Variants in ZNF532 observed in about 807,000 individuals in gnomAD.
ZNF532 encodes zinc finger protein 532.
In ZNF532, 22 loss-of-function variants were observed where a neutral mutation model predicts 89.3. The ratio of observed to expected loss-of-function variants is 0.25; its 90% confidence interval spans 0.18 to 0.35. The LOEUF (loss-of-function observed/expected upper bound fraction) is 0.35, where lower values mean the gene tolerates loss of function less well. ZNF532 is among the 10% of genes least tolerant of loss of function. The pLI is 1.00. For missense variants in ZNF532, 1,132 were observed against 1,643.4 expected (o/e 0.69, Z 5.38); for synonymous variants, 606 against 649.6 (o/e 0.93, Z 1.02).
At chr18:58,880,100 G>T (rs1360681445) in intron 2 of ZNF532, among the ~76,000 whole-genome samples, 1 of 152,176 alleles carries the variant, frequency 6.6e-6, no homozygotes, top group African/African-American at 2.4e-5. Context: ...GGACAAAAAA[G>T]AAAGGTGATC....
At chr18:58,918,236 A>C in intron 2 of ZNF532, 35 bp from the exon 3 acceptor site, 1 of 1,561,038 alleles carries the variant, frequency 6.4e-7, no homozygotes, top group Non-Finnish European at 8.7e-7. Flanking sequence ...GGAAATACCA[A>C]TTACTGATGG....
At chr18:58,952,453 A>G (rs955134645) in intron 6 of ZNF532, among the ~76,000 whole-genome samples, 5 of 152,068 alleles carry the variant, frequency 3.3e-5, no homozygotes, top group African/African-American at 1.2e-4. Flanking sequence ...TGCCCAGGCT[A>G]GAGTGCAGTG....
chr18:58,883,078 A>G (rs2058046607), intron 2 of ZNF532, among the ~76,000 whole-genome samples: 1 of 152,208 alleles, frequency 6.6e-6, no homozygotes, highest in African/African-American at 2.4e-5. Flanking sequence ...GATGAAATTA[A>G]TGAAAACTGA....
Position 58,919,277 on chromosome 18 carries a change from G to T in ZNF532, c.990G>T (p.Lys330Asn). 6.2e-7 allele frequency: 1 copy of T among 1,614,110 alleles called. No individual in the cohort carries two copies. ...ACGGGACCAAAAAACCATCCCTGAAGCAACCGGATAGTCCCAGAAGCATCT... is the reference window on the plus strand; with the variant it reads ...ACGGGACCAAAAAACCATCCCTGAATCAACCGGATAGTCCCAGAAGCATCT... ...LIDGTKKPSL[K>N]QPDSPRSISS... The change falls in exon 3 of 10, where the codon AAG becomes AAT. Residue 330 changes from lysine (K) to asparagine (N), a missense_variant. This residue lies in a region of ZNF532 where 124 missense variants were observed against 191.6 expected (regional missense o/e 0.65). Transcript: ENST00000591808. The surrounding 1 kb of genome is among the most constrained non-coding windows in gnomAD (Gnocchi z 6.1).
chr18:58,964,594 C>CT lies in ZNF532; in HGVS notation c.3150+10806dup, dbSNP rs963572008. ...GTGTGTGTGTGTATACACAGTTTTT[C>CT]TTTTTTTTTTTAGACAGAGTCTCGC... On this transcript the variant is annotated intron_variant, in intron 7 of 9. Coordinates refer to ENST00000591808, the MANE Select transcript of ZNF532 (RefSeq NM_001375912.1). 2.6e-3 allele frequency among the ~76,000 whole-genome samples: 288 copies of CT among 110,096 alleles called. 1 individual carries two copies. Among genetic ancestry groups the CT allele is most frequent in the Middle Eastern group, 9.0e-3 (2 of 222 alleles). The allele number at this position is 110,096 out of a possible 152,430, so 72.2% of individuals were successfully genotyped here.
chr18:58,970,994 TG>T (rs2066425851), intron 7 of ZNF532, among the ~76,000 whole-genome samples: 2 of 152,244 alleles, frequency 1.3e-5, no homozygotes, highest in East Asian at 3.8e-4. Flanking sequence ...GAAACTACGG[TG>T]CGACACGTTT....
intron 2 of ZNF532, among the ~76,000 whole-genome samples, chr18:58,865,944 C>G (rs986677567): frequency 6.6e-6 from 1 of 152,170 alleles, no homozygotes; most frequent in Non-Finnish European, 1.5e-5. Context: ...AAGGGCTTCA[C>G]CAAATCGAGG....
chr18:58,918,447 C>G lies in ZNF532; in HGVS notation c.160C>G (p.Pro54Ala). The G allele has an allele frequency of 6.2e-7, 1 of 1,614,182 alleles. No homozygotes were observed. The highest frequency in any genetic ancestry group is 8.5e-7 in the Non-Finnish European group (1 of 1,180,030). Residue 54 changes from proline (P) to alanine (A), a missense_variant, in exon 3 of 10, where the codon CCA (proline) becomes GCA (alanine). This residue lies in a region of ZNF532 where 302 missense variants were observed against 319.8 expected (regional missense o/e 0.94). Coordinates refer to ENST00000591808, the MANE Select transcript of ZNF532 (RefSeq NM_001375912.1). ...NAHGEDDSHA[P>A]SSSDVGVSVI... ...TCACGGAGAGGATGACTCCCACGCA[C>G]CATCATCTTCTGATGTGGGTGTCAG...
intron 7 of ZNF532, among the ~76,000 whole-genome samples, chr18:58,959,911 A>G (rs756589282): frequency 4.6e-5 from 7 of 152,258 alleles, no homozygotes; most frequent in Admixed American, 2.0e-4. Flanking sequence ...GAGACGTTAT[A>G]CATTTACCAC....
At chr18:58,878,689 G>A (rs780993647) in intron 2 of ZNF532, among the ~76,000 whole-genome samples, 5 of 152,220 alleles carry the variant, frequency 3.3e-5, no homozygotes, top group African/African-American at 9.6e-5. Flanking sequence ...AAGTTCATAC[G>A]AGAAGGCTCT....
At position 58,865,542 on chromosome 18, in the gene ZNF532, T is replaced by G. The variant is rs998912655; in HGVS notation, c.-55T>G. 6.5e-6 allele frequency: 1 copy of G among 153,276 alleles called. No homozygotes were observed. The highest frequency in any genetic ancestry group is 1.5e-5 in the Non-Finnish European group (1 of 68,182). The allele number at this position is 153,276 out of a possible 1,614,324, so 9.5% of individuals were successfully genotyped here. On this transcript the variant is annotated 5_prime_UTR_variant, in exon 2 of 10. Transcript: ENST00000591808. ...GCAGCCGTGTGACAGTAACTGAACA[T>G]TGGTCTAAAGTCTTTCCAAAAGGTC... is the stretch of plus-strand genomic sequence containing the variant.
chr18:58,869,009 A>ACAAGTAC (rs2056736217), intron 2 of ZNF532, among the ~76,000 whole-genome samples: 7 of 152,214 alleles, frequency 4.6e-5, no homozygotes, highest in African/African-American at 1.7e-4. Context: ...AGGCAGTTTT[A>ACAAGTAC]ATACAGTGGT....
At chr18:58,950,721 T>TA (rs2064075811) in intron 6 of ZNF532, among the ~76,000 whole-genome samples, 2 of 152,232 alleles carry the variant, frequency 1.3e-5, no homozygotes, top group Admixed American at 1.3e-4. Flanking sequence ...ACTTTTGAGT[T>TA]ACAGACACTC....
intron 7 of ZNF532, among the ~76,000 whole-genome samples, chr18:58,958,300 A>G (rs766804521): frequency 1.3e-5 from 2 of 152,192 alleles, no homozygotes; most frequent in African/African-American, 2.4e-5. Flanking sequence ...AAAACCTACA[A>G]TTTGCTGAAT....
intron 7 of ZNF532, among the ~76,000 whole-genome samples, chr18:58,954,605 A>T (rs2064559276): frequency 7.0e-6 from 1 of 143,670 alleles, no homozygotes; most frequent in Non-Finnish European, 1.5e-5. Flanking sequence ...GAAAAATTGG[A>T]TTGTTTGTCC....
intron 7 of ZNF532, among the ~76,000 whole-genome samples, chr18:58,969,723 CAT>C (rs2066271589): frequency 6.6e-6 from 1 of 152,080 alleles, no homozygotes; most frequent in Non-Finnish European, 1.5e-5. Context: ...GTTGTTAACA[CAT>C]TTTTTATTGA....
At chr18:58,884,031 TG>T (rs74701960) in intron 2 of ZNF532, among the ~76,000 whole-genome samples, 29,396 of 152,194 alleles carry the variant, frequency 0.19, 4,945 homozygotes, top group East Asian at 0.58. Context: ...TTTCTAATGC[TG>T]GAAGTCTCAA....
At chr18:58,941,967 C>T (rs547367379) in intron 5 of ZNF532, among the ~76,000 whole-genome samples, 28 of 133,282 alleles carry the variant, frequency 2.1e-4, no homozygotes, top group African/African-American at 7.3e-4. Context: ...TCCCTCTCTC[C>T]CTCCCTCCCT....
At chr18:58,930,480 T>C (rs112995088) in intron 3 of ZNF532, among the ~76,000 whole-genome samples, 3,734 of 152,004 alleles carry the variant, frequency 0.025, 180 homozygotes, top group African/African-American at 0.085. Context: ...ACAAAAAAAT[T>C]AGCCAGGCAT....
Sources: allele counts gnomAD v4.1 joint callset (sites outside exome capture counted in the v4.1 genomes callset), GRCh38; gene constraint gnomAD v4.1.1; regional missense constraint gnomAD v4.1.1; non-coding constraint Gnocchi (gnomAD v3.1); transcripts MANE v1.5; gene names NCBI Gene and HGNC (gene_info 2026-07-23, HGNC 2026-07-21).